The following ANK2 variants were observed in gnomAD, a reference collection of about 807,000 sequenced individuals.
ANK2 encodes ankyrin 2.
In ANK2, 83 loss-of-function variants were observed where a neutral mutation model predicts 360.5. The ratio of observed to expected loss-of-function variants is 0.23; its 90% CI spans 0.19 to 0.28. ANK2 has a LOEUF of 0.28. ANK2 is among the 10% of genes least tolerant of loss of function. The pLI, the probability that ANK2 is intolerant of heterozygous loss-of-function variation, is 1.00. For synonymous variants in ANK2, 1,740 were observed against 1,759.5 expected (o/e 0.99, Z 0.28); for missense variants, 4,201 against 4,795.7 (o/e 0.88, Z 3.66).
At chr4:113,232,984 C>T (rs946618759) in intron 5 of ANK2, among the ~76,000 whole-genome samples, 3 of 151,980 alleles carry the variant, frequency 2.0e-5, no homozygotes, top group African/African-American at 7.3e-5. Context: ...TCCAGAAGCC[C>T]TTGTGCTTGG....
intron 29 of ANK2, among the ~76,000 whole-genome samples, chr4:113,333,427 A>G (rs1330381754): frequency 1.3e-5 from 2 of 152,050 alleles, no homozygotes; most frequent in Non-Finnish European, 2.9e-5. Context: ...CTCCTGTTAC[A>G]TTCAGGAAAA....
At chr4:112,874,692 G>C (rs2074446481) in intron 1 of ANK2, among the ~76,000 whole-genome samples, 1 of 145,890 alleles carries the variant, frequency 6.9e-6, no homozygotes, top group Non-Finnish European at 1.5e-5. Flanking sequence ...ACACCAAAAT[G>C]TTTGATAACC....
At chr4:112,817,593 A>AAC (rs758366084), upstream of ANK2, among the ~76,000 whole-genome samples, 7 of 151,754 alleles carry the variant, frequency 4.6e-5, no homozygotes, top group African/African-American at 1.2e-4. Flanking sequence ...ACTAGCTTAA[A>AAC]ACACACACAC....
At chr4:112,941,226 C>T (rs993959179) in intron 2 of ANK2, among the ~76,000 whole-genome samples, 14 of 148,684 alleles carry the variant, frequency 9.4e-5, no homozygotes, top group African/African-American at 2.7e-4. Context: ...GAACCTAATT[C>T]GGTTAAAAAG....
intron 14 of ANK2, among the ~76,000 whole-genome samples, chr4:113,271,395 G>T (rs1234709114): frequency 2.6e-5 from 4 of 152,066 alleles, no homozygotes; most frequent in African/African-American, 9.7e-5. Context: ...AGGGTGCAGG[G>T]GGTATTGGGC....
At chr4:112,827,215 GA>G in intron 1 of ANK2, 1 of 1,110,242 alleles carries the variant, frequency 9.0e-7, no homozygotes, top group East Asian at 2.3e-5. Flanking sequence ...TGAAAAGCTG[GA>G]TCAATTGGAG....
At chr4:113,373,735 A>G (rs1381488611) in intron 45 of ANK2, 5 of 557,482 alleles carry the variant, frequency 9.0e-6, no homozygotes, top group African/African-American at 7.5e-5. Flanking sequence ...CCAAAAGTCA[A>G]ATTTTGAAAG....
chr4:112,959,904 T>A (rs985121463), intron 2 of ANK2, among the ~76,000 whole-genome samples: 6 of 152,160 alleles, frequency 3.9e-5, no homozygotes, highest in African/African-American at 1.4e-4. Flanking sequence ...CTGTCCACAA[T>A]GACAAAACGC....
intron 1 of ANK2, among the ~76,000 whole-genome samples, chr4:112,861,158 T>G (rs116221605): frequency 0.011 from 1,658 of 152,332 alleles, 12 homozygotes; most frequent in Middle Eastern, 0.027. Flanking sequence ...CCGAAATTGC[T>G]TTTTATCATC....
chr4:113,252,600 C>T (rs1322423902), intron 10 of ANK2, among the ~76,000 whole-genome samples: 1 of 152,100 alleles, frequency 6.6e-6, no homozygotes, highest in Non-Finnish European at 1.5e-5. Flanking sequence ...TCTAACTTCA[C>T]ACTTGCCAGC....
intron 2 of ANK2, among the ~76,000 whole-genome samples, chr4:112,925,815 ATTATTCCACAGTTG>A (rs560167264): frequency 6.1e-4 from 93 of 152,352 alleles, no homozygotes; most frequent in African/African-American, 2.2e-3. Context: ...TAATCAATCC[ATTATTCCACAGTTG>A]GATGGAACCA....
At chr4:112,842,723 G>A (rs1037685880) in intron 1 of ANK2, among the ~76,000 whole-genome samples, 1 of 152,148 alleles carries the variant, frequency 6.6e-6, no homozygotes, top group Non-Finnish European at 1.5e-5. Flanking sequence ...CCTGCTGTGC[G>A]GCCCGCTTCC....
At chr4:112,756,579 G>A in the ANK2 span, among the ~76,000 whole-genome samples, 1 of 152,132 alleles carries the variant, frequency 6.6e-6, no homozygotes, top group African/African-American at 2.4e-5. Context: ...TGGGAGAATT[G>A]GTTATGTACA....
At chr4:113,291,382 T>C (rs1371933733) in intron 20 of ANK2, among the ~76,000 whole-genome samples, 1 of 152,200 alleles carries the variant, frequency 6.6e-6, no homozygotes, top group African/African-American at 2.4e-5. Context: ...TCAGGTTTCC[T>C]GGGGTCATCC....
chr4:113,356,331 G>T lies in ANK2; in HGVS notation c.7713G>T (p.Glu2571Asp), dbSNP rs1239014234. ...KPAVIHECAEEDDSENGEKKR... is the reference protein window; with the variant it reads ...KPAVIHECAEDDDSENGEKKR... ...CTGTGATTCATGAATGTGCAGAGGA[G>T]GATGATTCAGAAAACGGGGAGAAAA... The change falls in exon 38 of 46, where the codon GAG (glutamate) becomes GAT (aspartate). Residue 2571 changes from glutamate to aspartate, a missense_variant. Coordinates refer to ENST00000357077, the MANE Select transcript of ANK2 (RefSeq NM_001148.6). 4 of 1,614,116 alleles carry T rather than the reference G, an allele frequency of 2.5e-6. No individual in the cohort carries two copies. The highest frequency in any genetic ancestry group is 3.4e-6 in the Non-Finnish European group (4 of 1,179,988).
intron 1 of ANK2, among the ~76,000 whole-genome samples, chr4:112,834,219 G>A (rs2060497918): frequency 1.3e-5 from 2 of 152,150 alleles, no homozygotes; most frequent in Admixed American, 6.5e-5. Context: ...TGTATTAGAT[G>A]ATATTAAAAA....
At chr4:113,075,992 TG>T (rs2079786390) in intron 1 of ANK2, among the ~76,000 whole-genome samples, 1 of 152,154 alleles carries the variant, frequency 6.6e-6, no homozygotes, top group Non-Finnish European at 1.5e-5. Flanking sequence ...TTCAGTAATT[TG>T]GGGGTAAGGT....
chr4:113,078,433 C>T (rs1186243875), intron 1 of ANK2, among the ~76,000 whole-genome samples: 1 of 152,070 alleles, frequency 6.6e-6, no homozygotes, highest in Non-Finnish European at 1.5e-5. Flanking sequence ...CAATAGTAGC[C>T]GTGGTGTCGG....
chr4:113,050,585 A>G (rs375955635), intron 1 of ANK2, among the ~76,000 whole-genome samples: 29 of 152,024 alleles, frequency 1.9e-4, no homozygotes, highest in Middle Eastern at 3.4e-3. Context: ...TTATGGCCTG[A>G]CTCCTTCTGG....
Sources: allele counts gnomAD v4.1 joint callset (sites outside exome capture counted in the v4.1 genomes callset), GRCh38; gene constraint gnomAD v4.1.1; transcripts MANE v1.5; gene names NCBI Gene and HGNC (gene_info 2026-07-23, HGNC 2026-07-21).